The following HOXC13 variants were observed in gnomAD, a reference collection of about 807,000 sequenced individuals.
HOXC13 encodes homeobox C13, also known as homeobox protein Hox-C13.
A neutral mutation model predicts 25.9 loss-of-function variants in HOXC13; 10 were observed. The ratio of observed to expected loss-of-function variants is 0.39; its 90% CI spans 0.24 to 0.65. The LOEUF is 0.65. Ranked by LOEUF, HOXC13 falls within the 30% of genes least tolerant of loss-of-function variation. HOXC13 has a pLI of 0.50. For synonymous variants in HOXC13, 233 were observed against 217.1 expected (o/e 1.07, Z -0.64); for missense variants, 439 against 478.3 (o/e 0.92, Z 0.77).
Position 53,946,461 on chromosome 12 carries a change from T to A in HOXC13, c.*1205T>A, listed in dbSNP as rs528192678. The A allele has an allele frequency of 4.8e-6, 1 of 208,582 alleles. No individual in the cohort carries two copies. Among genetic ancestry groups the A allele is most frequent in the Admixed American group, 5.9e-5 (1 of 16,900 alleles). The allele number at this position is 208,582 out of a possible 1,614,324, so 12.9% of individuals were successfully genotyped here. ...TGTGTATCTGTATATAGTATTGTGA[T>A]GTCTGAATGACAATGTACTGAATGC... On this transcript the variant is annotated 3_prime_UTR_variant, in exon 2 of 2. Transcript: ENST00000243056.
At chr12:53,941,339 C>T (rs1455048459) in intron 1 of HOXC13, among the ~76,000 whole-genome samples, 1 of 152,206 alleles carries the variant, frequency 6.6e-6, no homozygotes, top group Non-Finnish European at 1.5e-5. Flanking sequence ...GGCAGGGAAG[C>T]CAATGGGCTA....
chr12:53,944,197 A>T (rs1010396021), intron 1 of HOXC13, among the ~76,000 whole-genome samples: 13 of 152,114 alleles, frequency 8.5e-5, no homozygotes, highest in African/African-American at 3.1e-4. Flanking sequence ...TGGACCCCCT[A>T]CTTCCAGAGA....
At chr12:53,941,257 T>A (rs1231660804) in intron 1 of HOXC13, among the ~76,000 whole-genome samples, 1 of 152,260 alleles carries the variant, frequency 6.6e-6, no homozygotes, top group African/African-American at 2.4e-5. Context: ...TTTAGAGAGA[T>A]GGCCCTTTAA....
At position 53,938,960 on chromosome 12, in the gene HOXC13, C is replaced by A; in HGVS notation, c.54C>A (p.Val18=). The change falls in exon 1 of 2, where the codon GTC becomes GTA. Residue 18 remains valine (V), a synonymous_variant. Coordinates refer to ENST00000243056, the MANE Select transcript of HOXC13 (RefSeq NM_017410.3). Reference sequence around the variant, plus strand: ...GCTGGCCGGAGAGCCTTATGTACGTCTATGAGGACAGCGCGGCGGAGAGCG... The same window carrying A: ...GCTGGCCGGAGAGCCTTATGTACGTATATGAGGACAGCGCGGCGGAGAGCG... ...HPRWPESLMY[V]YEDSAAESGI... is the part of the protein sequence containing the mutation. 6.5e-7 allele frequency: 1 copy of A among 1,548,272 alleles called. No individual in the cohort carries two copies. The highest frequency in any genetic ancestry group is 2.5e-5 in the East Asian group (1 of 40,296).
intron 1 of HOXC13, 103 bp from the exon 2 acceptor site, chr12:53,944,897 C>T (rs1938666341): frequency 6.9e-7 from 1 of 1,444,402 alleles, no homozygotes; most frequent in Non-Finnish European, 9.5e-7. Flanking sequence ...TCCTCTGGCC[C>T]CGTTGAGCCC....
chr12:53,938,943 G>T lies in HOXC13; in HGVS notation c.37G>T (p.Glu13Ter). 6.4e-7 allele frequency: 1 copy of T among 1,560,578 alleles called. No individual in the cohort carries two copies. Among genetic ancestry groups the T allele is most frequent in the South Asian group, 1.2e-5 (1 of 86,824 alleles). ...TSLLLHPRWP[E>*]SLMYVYEDSA... ...GCTGCTCCTGCATCCACGCTGGCCG[G>T]AGAGCCTTATGTACGTCTATGAGGA... The change falls in exon 1 of 2, where the codon GAG (glutamate) becomes TAG (stop). Residue 13 changes from glutamate (E) to a stop codon, truncating the protein, a stop_gained. Coordinates refer to ENST00000243056, the MANE Select transcript of HOXC13 (RefSeq NM_017410.3). LOFTEE classifies it high-confidence loss of function.
Position 53,945,055 on chromosome 12 carries a change from C to T in HOXC13, c.792C>T (p.Arg264=). 6.2e-7 allele frequency: 1 copy of T among 1,614,052 alleles called. No individual in the cohort carries two copies. The highest frequency in any genetic ancestry group is 8.5e-7 in the Non-Finnish European group (1 of 1,179,990). The part of the protein sequence containing the change: ...VSSYRRGRKK[R]VPYTKVQLKE... ...GCTACCGGCGCGGGCGCAAGAAACG[C>T]GTGCCCTACACTAAGGTGCAGCTGA... The change falls in exon 2 of 2, where the codon CGC becomes CGT. Residue 264 remains arginine (R), a synonymous_variant. Coordinates refer to ENST00000243056, the MANE Select transcript of HOXC13 (RefSeq NM_017410.3). The surrounding 1 kb of genome is among the most constrained non-coding windows in gnomAD (Gnocchi z 4.4).
chr12:53,943,315 A>C (rs891246810), intron 1 of HOXC13, among the ~76,000 whole-genome samples: 3 of 152,244 alleles, frequency 2.0e-5, no homozygotes, highest in Non-Finnish European at 4.4e-5. Context: ...TCTTCATTCT[A>C]TTCTTGTCAA....
At position 53,939,703 on chromosome 12, in the gene HOXC13, G is replaced by C. The variant is rs1938579280; in HGVS notation, c.736+61G>C. On this transcript the variant is annotated intron_variant, in intron 1 of 1. Transcript: ENST00000243056. This position sits in a 1 kb window ranked among gnomAD's most constrained non-coding sequence, Gnocchi z 6.7. ...ACCCCTCCCCGCCCTGCCTGCCCCG[G>C]GGCTCCGCGCCCCAACCACCCCCGC... 1 of 1,284,288 alleles carries C rather than the reference G, an allele frequency of 7.8e-7. No individual in the cohort carries two copies. The allele number at this position is 1,284,288 out of a possible 1,614,324, so 79.6% of individuals were successfully genotyped here.
At chr12:53,943,486 A>T (rs1163216608) in intron 1 of HOXC13, among the ~76,000 whole-genome samples, 1 of 152,218 alleles carries the variant, frequency 6.6e-6, no homozygotes, top group Non-Finnish European at 1.5e-5. Context: ...AGATTTTTTT[A>T]AATCATAGTT....
Position 53,939,615 on chromosome 12 carries a change from G to A in HOXC13, c.709G>A (p.Ala237Thr), listed in dbSNP as rs199770484. 25 of 1,520,888 alleles carry A rather than the reference G, an allele frequency of 1.6e-5. No individual in the cohort carries two copies. The highest frequency in any genetic ancestry group is 2.5e-5 in the South Asian group (2 of 79,490). 94.2% of individuals were successfully genotyped at this position (1,520,888 alleles called of 1,614,324 possible). The change falls in exon 1 of 2, where the codon GCC becomes ACC. Residue 237 changes from alanine (A) to threonine (T), a missense_variant. Coordinates refer to ENST00000243056, the MANE Select transcript of HOXC13 (RefSeq NM_017410.3). The surrounding 1 kb of genome is among the most constrained non-coding windows in gnomAD (Gnocchi z 6.7). Reference protein sequence around the residue: ...VYCSKEQSQSAHLWKSPFPDV... With the variant: ...VYCSKEQSQSTHLWKSPFPDV... Reference sequence around the variant, plus strand: ...CTGCTCCAAGGAGCAGTCGCAGTCCGCCCACCTCTGGAAGTCTCCCTTCCC... The same window carrying A: ...CTGCTCCAAGGAGCAGTCGCAGTCCACCCACCTCTGGAAGTCTCCCTTCCC...
At position 53,945,076 on chromosome 12, in the gene HOXC13, G is replaced by A; in HGVS notation, c.813G>A (p.Gln271=). ...RKKRVPYTKV[Q]LKELEKEYAA... Reference sequence around the variant, plus strand: ...AACGCGTGCCCTACACTAAGGTGCAGCTGAAGGAGCTAGAGAAGGAATACG... The same window carrying A: ...AACGCGTGCCCTACACTAAGGTGCAACTGAAGGAGCTAGAGAAGGAATACG... The change falls in exon 2 of 2, where the codon CAG becomes CAA. Residue 271 remains glutamine, a synonymous_variant. Coordinates refer to ENST00000243056, the MANE Select transcript of HOXC13 (RefSeq NM_017410.3). The surrounding 1 kb of genome is among the most constrained non-coding windows in gnomAD (Gnocchi z 4.4). 2 of 1,614,192 alleles carry A rather than the reference G, an allele frequency of 1.2e-6. No homozygotes were observed. The highest frequency in any genetic ancestry group is 1.7e-6 in the Non-Finnish European group (2 of 1,180,046).
Position 53,944,970 on chromosome 12 carries a change from CTTCTTCCCGCTTGCCTTAT to C in HOXC13, c.737-29_737-11del, listed in dbSNP as rs1445215251. 6.2e-7 allele frequency: 1 copy of C among 1,611,372 alleles called. No individual in the cohort carries two copies. The highest frequency in any genetic ancestry group is 1.3e-5 in the African/African-American group (1 of 74,976). ...TATCTCAGTCCAGCCGCTTGCCTCA[CTTCTTCCCGCTTGCCTTAT>C]CTCCCCGCAGACGTGGTTCCCCTGC... On this transcript the variant is annotated splice_polypyrimidine_tract_variant and intron_variant, in intron 1 of 1. Transcript: ENST00000243056.
intron 1 of HOXC13, among the ~76,000 whole-genome samples, chr12:53,940,826 C>A (rs1024550029): frequency 1.3e-5 from 2 of 152,134 alleles, no homozygotes; most frequent in Non-Finnish European, 2.9e-5. Flanking sequence ...TGCCCAGCTC[C>A]CCGACCAGCT....
rs552694505 is a variant in HOXC13, at chr12:53,945,836, G to C, written c.*580G>C. 8.5e-6 allele frequency: 2 copies of C among 236,200 alleles called. No homozygotes were observed. Among genetic ancestry groups the C allele is most frequent in the Non-Finnish European group, 8.4e-6 (1 of 119,436 alleles). 14.6% of individuals were successfully genotyped at this position (236,200 alleles called of 1,614,324 possible). A position where few individuals can be genotyped will look rare whatever the true frequency, so the allele number is the denominator to read the frequency against. On this transcript the variant is annotated 3_prime_UTR_variant, in exon 2 of 2. Transcript: ENST00000243056. This position sits in a 1 kb window ranked among gnomAD's most constrained non-coding sequence, Gnocchi z 4.4. ...TTATTAGGGACCTGGCAGCGTGATT[G>C]GAGTATGGATGTTTCCGTAAAAGCT...
rs1274938790 is a variant in HOXC13, at chr12:53,940,626, TC to T, written c.736+987del. 4.6e-5 allele frequency among the ~76,000 whole-genome samples: 7 copies of T among 152,314 alleles called. No individual in the cohort carries two copies. The East Asian group carries it at 1.3e-3, about 29-fold the overall frequency. On this transcript the variant is annotated intron_variant, in intron 1 of 1. Transcript: ENST00000243056. ...TTGCGGACAAGACCAGTCCCAGGTT[TC>T]CCAAAACCACACCAAGAGCTTTGGA...
At chr12:53,941,496 G>A (rs894028349) in intron 1 of HOXC13, among the ~76,000 whole-genome samples, 2 of 152,184 alleles carry the variant, frequency 1.3e-5, no homozygotes, top group Non-Finnish European at 2.9e-5. Flanking sequence ...TGTGGAGTAG[G>A]GGTGAAGGAT....
Position 53,939,687 on chromosome 12 carries a change from C to A in HOXC13, c.736+45C>A, listed in dbSNP as rs35548497. ...GCCGCCGCCGCCGGGGACCCCTCCC[C>A]GCCCTGCCTGCCCCGGGGCTCCGCG... On this transcript the variant is annotated intron_variant, in intron 1 of 1. Transcript: ENST00000243056. This position sits in a 1 kb window ranked among gnomAD's most constrained non-coding sequence, Gnocchi z 6.7. 2 of 1,314,676 alleles carry A rather than the reference C, an allele frequency of 1.5e-6. No individual in the cohort carries two copies. The highest frequency in any genetic ancestry group is 1.9e-6 in the Non-Finnish European group (2 of 1,030,370). The allele number at this position is 1,314,676 out of a possible 1,614,324, so 81.4% of individuals were successfully genotyped here.
intron 1 of HOXC13, among the ~76,000 whole-genome samples, chr12:53,940,329 C>T (rs935659019): frequency 3.3e-5 from 5 of 152,252 alleles, no homozygotes; most frequent in Middle Eastern, 3.4e-3. Context: ...ATATTGAGCT[C>T]AAACCTATAG....
Sources: gnomAD v4.1 joint callset for allele counts (sites outside exome capture counted in the v4.1 genomes callset) on GRCh38, gnomAD v4.1.1 for gene constraint, Gnocchi (gnomAD v3.1) non-coding constraint, MANE v1.5 for transcripts, NCBI Gene and HGNC (gene_info 2026-07-23, HGNC 2026-07-21) for gene names.